DNAH5: variants seen among roughly 807,000 people sequenced by gnomAD.
DNAH5 encodes the protein axonemal beta dynein heavy chain 5.
Under a neutral mutation model 518.2 loss-of-function variants are expected in DNAH5, and 372 were observed. The observed-to-expected ratio is 0.72, with a 90% CI of 0.66 to 0.78. DNAH5 has a LOEUF of 0.78. Among genes scored for constraint, DNAH5 ranks in the 30% least tolerant of loss-of-function variants. The pLI, the probability that DNAH5 is intolerant of heterozygous loss-of-function variation, is 0.00. For synonymous variants in DNAH5, 2,039 were observed against 2,025.9 expected, an observed-to-expected ratio of 1.01 and a Z score of -0.17; for missense variants, 5,523 against 5,687.0, an observed-to-expected ratio of 0.97 and a Z score of 0.93.
At chr5:14,001,699 CT>C (rs1341788951) in intron 1 of DNAH5, among the ~76,000 whole-genome samples, 1 of 147,638 alleles carries the variant, frequency 6.8e-6, no homozygotes, top group Non-Finnish European at 1.5e-5. Flanking sequence ...TTTAAGGATA[CT>C]TTATAACTGA....
intron 52 of DNAH5, among the ~76,000 whole-genome samples, chr5:13,783,231 C>G (rs1306046738): frequency 9.9e-5 from 15 of 152,058 alleles, no homozygotes; most frequent in South Asian, 4.1e-4. Context: ...CTGAAGTGCC[C>G]CCTGGGGTGA....
intron 35 of DNAH5, among the ~76,000 whole-genome samples, chr5:13,835,151 G>A (rs1262835736): frequency 6.6e-6 from 1 of 152,056 alleles, no homozygotes; most frequent in Admixed American, 6.5e-5. Context: ...CAGGCATGAT[G>A]GCACGCACCT....
intron 1 of DNAH5, among the ~76,000 whole-genome samples, chr5:14,010,251 G>A (rs1359462301): frequency 6.6e-6 from 1 of 152,038 alleles, no homozygotes; most frequent in Admixed American, 6.6e-5. Context: ...TAATTTCCTA[G>A]TTTACTATGG....
At position 13,920,492 on chromosome 5, in the gene DNAH5, T is replaced by A; in HGVS notation, c.786A>T (p.Lys262Asn). The change falls in exon 6 of 79, where the codon AAA (lysine) becomes AAT (asparagine). Residue 262 changes from lysine (K) to asparagine (N), a missense_variant. Transcript: ENST00000265104. ...KIEDCMKVWI[K>N]QTEQVLAENN... ...TTCTCAAAATTACCTGTTCTGTCTG[T>A]TTGATCCATACTTTCATGCAATCCT... is the stretch of plus-strand genomic sequence containing the variant. 2 of 1,614,200 alleles carry A rather than the reference T, an allele frequency of 1.2e-6. No homozygotes were observed. Among genetic ancestry groups the A allele is most frequent in the Non-Finnish European group, 1.7e-6 (2 of 1,180,016 alleles).
At chr5:13,810,467 A>G (rs913124522) in intron 44 of DNAH5, 16 of 613,032 alleles carry the variant, frequency 2.6e-5, no homozygotes, top group South Asian at 2.3e-4. Context: ...TTGGCCGGGC[A>G]CGGTGGCTCA....
chr5:13,763,293 A>C (rs1268201053), intron 59 of DNAH5, among the ~76,000 whole-genome samples: 1 of 152,240 alleles, frequency 6.6e-6, no homozygotes, highest in African/African-American at 2.4e-5. Context: ...AACTAAACAC[A>C]CCTAGGTGTA....
chr5:13,919,089 T>G (rs1418657816), intron 7 of DNAH5, 87 bp downstream of exon 7: 6 of 1,514,204 alleles, frequency 4.0e-6, no homozygotes, highest in Non-Finnish European at 5.5e-6. Flanking sequence ...AATAACATTT[T>G]TTTGTTCCTA....
chr5:13,967,451 G>A (rs1257078420), intron 1 of DNAH5, among the ~76,000 whole-genome samples: 1 of 152,098 alleles, frequency 6.6e-6, no homozygotes, highest in Non-Finnish European at 1.5e-5. Flanking sequence ...CCTGCTTTAT[G>A]TATTTATTTG....
chr5:13,773,712 A>G (rs1354226603), intron 55 of DNAH5, among the ~76,000 whole-genome samples: 1 of 152,218 alleles, frequency 6.6e-6, no homozygotes, highest in African/African-American at 2.4e-5. Context: ...AGGTACATAA[A>G]TTACACACTG....
chr5:13,788,995 A>G (rs1217568256), intron 50 of DNAH5, 81 bp from the exon 51 acceptor site: 4 of 1,257,216 alleles, frequency 3.2e-6, no homozygotes, highest in Admixed American at 1.8e-5. Flanking sequence ...ACTGTAGAGT[A>G]TTATCCTTCC....
chr5:13,928,252 T>C (rs1778083521), intron 2 of DNAH5, 74 bp from the exon 3 acceptor site: 2 of 1,139,834 alleles, frequency 1.8e-6, no homozygotes, highest in African/African-American at 3.1e-5. Flanking sequence ...GCATTAATAA[T>C]ATAAAAAAGG....
chr5:13,934,769 C>T (rs1432399225), intron 1 of DNAH5, among the ~76,000 whole-genome samples: 1 of 152,160 alleles, frequency 6.6e-6, no homozygotes, highest in African/African-American at 2.4e-5. Flanking sequence ...TGAGAGACAA[C>T]TTTGCTGGGG....
intron 52 of DNAH5, among the ~76,000 whole-genome samples, chr5:13,783,211 A>G (rs1755456981): frequency 5.3e-5 from 8 of 152,216 alleles, no homozygotes; most frequent in Admixed American, 5.2e-4. Context: ...TCTCAGAATT[A>G]GCAAAAGGCC....
intron 78 of DNAH5, 26 bp from the exon 79 acceptor site, chr5:13,692,161 C>T: frequency 6.2e-7 from 1 of 1,613,460 alleles, no homozygotes; most frequent in Non-Finnish European, 8.5e-7. Flanking sequence ...AAGAAAAGAA[C>T]TTGGTGAAAT....
At chr5:13,946,872 G>A (rs1207506250), upstream of DNAH5, among the ~76,000 whole-genome samples, 1 of 152,202 alleles carries the variant, frequency 6.6e-6, no homozygotes, top group African/African-American at 2.4e-5. Flanking sequence ...GCAGCCAGAC[G>A]CTGCGCTATA....
At chr5:13,693,854 A>C (rs190266876) in intron 78 of DNAH5, among the ~76,000 whole-genome samples, 2 of 152,330 alleles carry the variant, frequency 1.3e-5, no homozygotes, top group African/African-American at 4.8e-5. Flanking sequence ...GTGATACCTA[A>C]TTTTTAAGTC....
chr5:13,776,649 C>T lies in DNAH5; in HGVS notation c.9163G>A (p.Val3055Ile), dbSNP rs1754131318. Residue 3055 changes from valine (V) to isoleucine (I), a missense_variant, in exon 55 of 79, where the codon GTC becomes ATC. This residue lies in a region of DNAH5 where 5,121 missense variants were observed against 5,223.3 expected (regional missense o/e 0.98). Coordinates refer to ENST00000265104, the MANE Select transcript of DNAH5 (RefSeq NM_001369.3). ...CACCTGGGGAATTCTTTTTTCATGA[C>T]TGATGCCAGGTCGCTATTAATTTCA... ...IDEINSDLAS[V>I]MKKEFPRCLP... is the part of the protein sequence containing the mutation. The T allele has an allele frequency of 6.2e-7, 1 of 1,613,742 alleles. No individual in the cohort carries two copies. The highest frequency in any genetic ancestry group is 1.3e-5 in the African/African-American group (1 of 74,914).
intron 1 of DNAH5, among the ~76,000 whole-genome samples, chr5:13,999,267 C>T (rs564223846): frequency 1.6e-4 from 24 of 152,306 alleles, no homozygotes; most frequent in African/African-American, 5.8e-4. Flanking sequence ...TACATTATTG[C>T]TAACTATAGG....
In DNAH5 at chr5:13,780,910, A is replaced by G; in HGVS notation, c.8870T>C (p.Val2957Ala). 1 of 1,613,672 alleles carries G rather than the reference A, an allele frequency of 6.2e-7. No individual in the cohort carries two copies. The highest frequency in any genetic ancestry group is 1.1e-5 in the South Asian group (1 of 91,072). Residue 2957 changes from valine (V) to alanine (A), a missense_variant, in exon 53 of 79, where the codon GTG becomes GCG. Physicochemically the swap from Val to Ala is moderately conservative, Grantham distance 64. Coordinates refer to ENST00000265104, the MANE Select transcript of DNAH5 (RefSeq NM_001369.3). The stretch of plus-strand genomic sequence containing the variant: ...CAGGCTCTGCTTTCCTGATCCGCCC[A>G]CCCCGACCAGGAGGGCATTTCCCTG... ...TPQGNALLVGVGGSGKQSLTR... is the reference protein window; with the variant it reads ...TPQGNALLVGAGGSGKQSLTR...
Sources: allele counts gnomAD v4.1 joint callset (sites outside exome capture counted in the v4.1 genomes callset), GRCh38; gene constraint gnomAD v4.1.1; regional missense constraint gnomAD v4.1.1; transcripts MANE v1.5; gene names NCBI Gene and HGNC (gene_info 2026-07-23, HGNC 2026-07-21).